MAP3K20: variants seen among roughly 807,000 people sequenced by gnomAD.
MAP3K20 encodes mitogen-activated protein kinase kinase kinase 20, also known as HCCS-4.
MAP3K20 carries 40 observed loss-of-function variants against 85.7 expected under a neutral mutation model. The ratio of observed to expected loss-of-function variants is 0.47; its 90% confidence interval spans 0.36 to 0.61. MAP3K20 has a LOEUF of 0.61. Among genes scored for constraint, MAP3K20 ranks in the 20% least tolerant of loss-of-function variants. MAP3K20 has a pLI of 0.00. For synonymous variants in MAP3K20, 325 were observed against 327.7 expected (o/e 0.99, Z 0.09); for missense variants, 817 against 961.7 (o/e 0.85, Z 1.99).
intron 2 of MAP3K20, among the ~76,000 whole-genome samples, chr2:173,150,152 C>T (rs981782509): frequency 2.6e-5 from 4 of 152,164 alleles, no homozygotes; most frequent in East Asian, 1.9e-4. Context: ...AAAGATGGTA[C>T]GCCAGATTCC....
At chr2:173,217,051 G>T in intron 10 of MAP3K20, 64 bp from the exon 11 acceptor site, 1 of 1,338,384 alleles carries the variant, frequency 7.5e-7, no homozygotes, top group South Asian at 2.6e-5. Context: ...CATTCTGATG[G>T]ACCCACTAAG....
In MAP3K20 at chr2:173,187,539, TTTC is replaced by T. The variant is rs1267007827; in HGVS notation, c.350-13_350-11del. 3.8e-6 allele frequency: 6 copies of T among 1,588,062 alleles called. No individual in the cohort carries two copies. The highest frequency in any genetic ancestry group is 2.6e-6 in the Non-Finnish European group (3 of 1,171,730). On this transcript the variant is annotated splice_polypyrimidine_tract_variant and intron_variant, in intron 4 of 19. Transcript: ENST00000375213. Reference sequence around the variant, plus strand: ...GTTGAAAAATATTAATAGGCCTTTATTTCTTCTTGTGTGAAAAGGAATGCATTA... The same window carrying T: ...GTTGAAAAATATTAATAGGCCTTTATTTCTTGTGTGAAAAGGAATGCATTA...
chr2:173,116,594 A>G (rs1044246625), intron 2 of MAP3K20, among the ~76,000 whole-genome samples: 2 of 152,152 alleles, frequency 1.3e-5, no homozygotes, highest in African/African-American at 4.8e-5. Context: ...CCGCAGGCTC[A>G]TTTCTTCATC....
Position 173,235,692 on chromosome 2 carries a change from C to T in MAP3K20, c.1204-2681C>T, listed in dbSNP as rs566297720. Among the ~76,000 whole-genome samples, 6 of 152,276 alleles carry T rather than the reference C, an allele frequency of 3.9e-5. No individual in the cohort carries two copies. The South Asian group carries it at 1.2e-3, about 32-fold the overall frequency. On this transcript the variant is annotated intron_variant, in intron 14 of 19. Transcript: ENST00000375213. Reference sequence around the variant, plus strand: ...ACAACATCGTGAATGTGCTAAATGCCATTCAATTGCCCACTTTAAAATGGT... The same window carrying T: ...ACAACATCGTGAATGTGCTAAATGCTATTCAATTGCCCACTTTAAAATGGT...
intron 2 of MAP3K20, among the ~76,000 whole-genome samples, chr2:173,107,287 G>A (rs75496852): frequency 0.023 from 3,482 of 152,270 alleles, 133 homozygotes; most frequent in African/African-American, 0.079. Flanking sequence ...GAGGGCTGCC[G>A]GGGAGGGCCA....
chr2:173,239,249 T>A (rs112897797), intron 15 of MAP3K20, among the ~76,000 whole-genome samples, 155 bp from the exon 16 acceptor site: 1,836 of 152,216 alleles, frequency 0.012, 23 homozygotes, highest in South Asian at 0.043. Flanking sequence ...TTTCTGTTGG[T>A]TGATGTAATT....
At chr2:173,230,597 T>C (rs562651110) in intron 12 of MAP3K20, among the ~76,000 whole-genome samples, 1 of 152,356 alleles carries the variant, frequency 6.6e-6, no homozygotes, top group East Asian at 1.9e-4. Flanking sequence ...AAAGAAGTCC[T>C]GCACTCTGCA....
At chr2:173,082,531 G>A (rs946413947) in intron 1 of MAP3K20, among the ~76,000 whole-genome samples, 1 of 152,194 alleles carries the variant, frequency 6.6e-6, no homozygotes, top group African/African-American at 2.4e-5. Context: ...AAAACGATTT[G>A]GGGTACAAAC....
intron 2 of MAP3K20, among the ~76,000 whole-genome samples, chr2:173,118,985 G>T (rs1688201616): frequency 6.6e-6 from 1 of 152,156 alleles, no homozygotes. Context: ...GTATCAATCA[G>T]AGTCAGAAAC....
At chr2:173,097,176 C>A (rs187010782) in intron 2 of MAP3K20, among the ~76,000 whole-genome samples, 1 of 151,972 alleles carries the variant, frequency 6.6e-6, no homozygotes, top group Non-Finnish European at 1.5e-5. Flanking sequence ...GTCAAGAGAT[C>A]GAAACCCCGT....
intron 2 of MAP3K20, among the ~76,000 whole-genome samples, chr2:173,106,527 G>C (rs1292065546): frequency 6.6e-6 from 1 of 152,198 alleles, no homozygotes; most frequent in East Asian, 1.9e-4. Flanking sequence ...ATGTAGTATG[G>C]TTGCTGAGAA....
intron 11 of MAP3K20, chr2:173,222,485 C>T: frequency 1.0e-6 from 1 of 985,816 alleles, no homozygotes. Context: ...TAAGGCTGTG[C>T]TTGTGCTTTA....
In MAP3K20 at chr2:173,221,610, A is replaced by T. The variant is rs2106321380; in HGVS notation, c.987+4360A>T. On this transcript the variant is annotated intron_variant, in intron 11 of 19. Transcript: ENST00000375213. ...TGTTTATCTCAGTCTGTACAAAAAC[A>T]GTAAGGAGGCAGAAAGCCAAGCACT... 5.1e-6 allele frequency: 7 copies of T among 1,376,476 alleles called. No individual in the cohort carries two copies. In the South Asian group the frequency reaches 6.1e-5, roughly 12 times the overall value. The allele number at this position is 1,376,476 out of a possible 1,614,324, so 85.3% of individuals were successfully genotyped here.
chr2:173,075,642 C>A, upstream of MAP3K20: 1 of 722,850 alleles, frequency 1.4e-6, no homozygotes, highest in Non-Finnish European at 1.7e-6. Flanking sequence ...GGGGAACACC[C>A]CCACGGCCCT....
rs563414670 is a variant in MAP3K20, at chr2:173,110,586, C to T, written c.159+19396C>T. 1.5e-4 allele frequency among the ~76,000 whole-genome samples: 23 copies of T among 152,016 alleles called. No homozygotes were observed. In the East Asian group the frequency reaches 4.3e-3, roughly 28 times the overall value. On this transcript the variant is annotated intron_variant, in intron 2 of 19. Transcript: ENST00000375213. The stretch of plus-strand genomic sequence containing the variant: ...TCCCTTGCCCCGCCCCTACTCTTTC[C>T]CCCAAATCCCCAAAGCCCATTGCAT...
Position 173,261,102 on chromosome 2 carries a change from A to T in MAP3K20, c.1516A>T (p.Lys506Ter). The change falls in exon 18 of 20, where the codon AAA becomes TAA. Residue 506 changes from lysine (K) to a stop codon, truncating the protein, a stop_gained. Coordinates refer to ENST00000375213, the MANE Select transcript of MAP3K20 (RefSeq NM_016653.3). LOFTEE classifies it high-confidence loss of function. Reference sequence around the variant, plus strand: ...GGAGAAGTGGATTGTAGGAATAGCAAAAAGTCAGACTGTGGAGTGCACTGT... The same window carrying T: ...GGAGAAGTGGATTGTAGGAATAGCATAAAGTCAGACTGTGGAGTGCACTGT... Reference protein sequence around the residue: ...VMEKWIVGIAKSQTVECTVTY... With the variant: ...VMEKWIVGIA 1 of 1,613,792 alleles carries T rather than the reference A, an allele frequency of 6.2e-7. No individual in the cohort carries two copies. The highest frequency in any genetic ancestry group is 8.5e-7 in the Non-Finnish European group (1 of 1,179,692).
intron 19 of MAP3K20, among the ~76,000 whole-genome samples, chr2:173,264,484 T>C (rs1685366396): frequency 6.6e-6 from 1 of 152,158 alleles, no homozygotes. Flanking sequence ...CCTGTTCTTA[T>C]ATATAGGAGT....
In MAP3K20 at chr2:173,217,260, CT is replaced by C; in HGVS notation, c.987+11del. ...GCAGTCCAACACCCCGGTGAGTACC[CT>C]CCCCCTTCGCCGTCTTTCCACATGC... is the stretch of plus-strand genomic sequence containing the variant. On this transcript the variant is annotated intron_variant, in intron 11 of 19. Transcript: ENST00000375213. 6.5e-7 allele frequency: 1 copy of C among 1,539,760 alleles called. No individual in the cohort carries two copies. Among genetic ancestry groups the C allele is most frequent in the Non-Finnish European group, 8.8e-7 (1 of 1,141,984 alleles).
At chr2:173,081,573 T>C (rs1687014972) in intron 1 of MAP3K20, among the ~76,000 whole-genome samples, 1 of 152,188 alleles carries the variant, frequency 6.6e-6, no homozygotes, top group South Asian at 2.1e-4. Context: ...GTTAGGTGGT[T>C]ATACGATGGC....
Sources: gnomAD v4.1 joint callset for allele counts (sites outside exome capture counted in the v4.1 genomes callset) on GRCh38, gnomAD v4.1.1 for gene constraint, MANE v1.5 for transcripts, NCBI Gene and HGNC (gene_info 2026-07-23, HGNC 2026-07-21) for gene names.